The following P2RX5 variants were observed in gnomAD, a reference collection of about 807,000 sequenced individuals.
P2RX5 encodes P2X purinoceptor 5.
Under a neutral mutation model 54.1 loss-of-function variants are expected in P2RX5, and 46 were observed. That is an observed-to-expected ratio of 0.85 (90% CI 0.67 to 1.09). The LOEUF (loss-of-function observed/expected upper bound fraction) is 1.09. P2RX5 is among the 50% of genes least tolerant of loss of function. The probability of loss-of-function intolerance (pLI) is 0.00; values close to 1 mark genes in which losing one functional copy is unlikely to be tolerated. For synonymous variants in P2RX5, 226 were observed against 226.4 expected (o/e 1.00, Z 0.02); for missense variants, 566 against 549.8 (o/e 1.03, Z -0.29).
upstream of P2RX5, among the ~76,000 whole-genome samples, chr17:3,699,078 C>T (rs999004105): frequency 5.3e-5 from 6 of 114,110 alleles, no homozygotes; most frequent in South Asian, 3.0e-4. Context: ...CACACACACA[C>T]ACACACACAC....
chr17:3,673,579 C>T lies in P2RX5; in HGVS notation c.*289G>A. ...AAGGACTCCGGAAGGAAGTCATGTTCCCCATTTACAACCCGTTCCCTAGTG... is the reference window on the plus strand; with the variant it reads ...AAGGACTCCGGAAGGAAGTCATGTTTCCCATTTACAACCCGTTCCCTAGTG... On this transcript the variant is annotated 3_prime_UTR_variant, in exon 12 of 12. Transcript: ENST00000225328. The T allele has an allele frequency of 1.4e-6, 2 of 1,383,132 alleles. No homozygotes were observed. The highest frequency in any genetic ancestry group is 1.5e-5 in the South Asian group (1 of 65,012). The allele number at this position is 1,383,132 out of a possible 1,614,324, so 85.7% of individuals were successfully genotyped here. A position where few individuals can be genotyped will look rare whatever the true frequency, so the allele number is the denominator to read the frequency against.
the P2RX5 span, among the ~76,000 whole-genome samples, chr17:3,719,257 GA>G: frequency 3.2e-5 from 4 of 123,648 alleles, no homozygotes; most frequent in African/African-American, 1.2e-4. Flanking sequence ...AAAAAAAAAA[GA>G]AAAGAAAAGA....
intron 9 of P2RX5, among the ~76,000 whole-genome samples, chr17:3,684,555 T>G (rs1261658841): frequency 1.3e-5 from 2 of 152,196 alleles, no homozygotes; most frequent in African/African-American, 4.8e-5. Context: ...TGAGCCATGA[T>G]CATGCCACTG....
rs879147383 is a variant in P2RX5 at position 3,691,513 on chromosome 17, C to T, written c.288+131G>A. 6.0e-5 allele frequency: 69 copies of T among 1,143,134 alleles called. No homozygotes were observed. The South Asian group carries it at 8.9e-4, about 15-fold the overall frequency. 70.8% of individuals were successfully genotyped at this position (1,143,134 alleles called of 1,614,324 possible). A position where few individuals can be genotyped will look rare whatever the true frequency, so the allele number is the denominator to read the frequency against. On this transcript the variant is annotated intron_variant, in intron 2 of 11. Transcript: ENST00000225328. ...CTGGACAGGGTTGCTCTCTGCAAGC[C>T]CTGGCAGCTGTCTTGGGCCAAGAGA...
chr17:3,717,190 G>A, the P2RX5 span: 79 of 164,334 alleles, frequency 4.8e-4, no homozygotes, highest in African/African-American at 1.8e-3. Flanking sequence ...TCTTTAAAAT[G>A]ATGACTTCCT....
intron 1 of P2RX5, among the ~76,000 whole-genome samples, chr17:3,694,156 G>A (rs1442086689): frequency 6.7e-6 from 1 of 148,314 alleles, no homozygotes. Flanking sequence ...ATCAGCCACA[G>A]AGAGGAATGG....
At position 3,691,686 on chromosome 17, in the gene P2RX5, C is replaced by G. The variant is rs756276420; in HGVS notation, c.246G>C (p.Gly82=). 2 of 1,614,212 alleles carry G rather than the reference C, an allele frequency of 1.2e-6. No homozygotes were observed. Among genetic ancestry groups the G allele is most frequent in the Admixed American group, 3.3e-5 (2 of 60,026 alleles). Residue 82 remains glycine, a synonymous_variant, in exon 2 of 12, where the codon GGG becomes GGC. Transcript: ENST00000225328. ...AGTCGGCGACATCCCAGATCCGCTG[C>G]CCAAGATCCGAGGTGTTGGTGAAGG... The part of the protein sequence containing the change: ...GVAFTNTSDL[G]QRIWDVADYV...
the P2RX5 span, among the ~76,000 whole-genome samples, chr17:3,704,412 TCGCC>T: frequency 6.6e-6 from 1 of 152,190 alleles, no homozygotes; most frequent in African/African-American, 2.4e-5. Flanking sequence ...CCAAGGCAAC[TCGCC>T]CTTTTCCTTT....
chr17:3,706,748 A>G, the P2RX5 span, among the ~76,000 whole-genome samples: 1 of 152,166 alleles, frequency 6.6e-6, no homozygotes, highest in Non-Finnish European at 1.5e-5. Flanking sequence ...AGTAGCTGGG[A>G]CTACAGGTGC....
chr17:3,679,289 C>T (rs992292853), intron 11 of P2RX5, among the ~76,000 whole-genome samples: 6 of 152,146 alleles, frequency 3.9e-5, no homozygotes, highest in African/African-American at 7.2e-5. Flanking sequence ...ACGGAGAGTA[C>T]AGAGGGGTTC....
intron 5 of P2RX5, 59 bp from the exon 6 acceptor site, chr17:3,690,209 G>A: frequency 6.7e-7 from 1 of 1,498,178 alleles, no homozygotes. Flanking sequence ...CCCTCCCCCA[G>A]GCCTGGGCCA....
chr17:3,690,694 AG>A lies in P2RX5; in HGVS notation c.361-15del. 1.2e-6 allele frequency: 2 copies of A among 1,612,456 alleles called. No individual in the cohort carries two copies. Among genetic ancestry groups the A allele is most frequent in the Non-Finnish European group, 1.7e-6 (2 of 1,179,628 alleles). ...AATGCCTTCATTCTGCCAGGAGAGA[AG>A]GGGCACCTGGATGGGGGGGTTCCCC... On this transcript the variant is annotated splice_polypyrimidine_tract_variant and intron_variant, in intron 3 of 11. Transcript: ENST00000225328.
chr17:3,693,840 T>G (rs1252426179), intron 1 of P2RX5, among the ~76,000 whole-genome samples: 1 of 152,132 alleles, frequency 6.6e-6, no homozygotes, highest in Non-Finnish European at 1.5e-5. Flanking sequence ...CTTTTTTTTT[T>G]TTTGAGACAG....
At chr17:3,696,436 T>C (rs2050760831), upstream of P2RX5, 1 of 153,470 alleles carries the variant, frequency 6.5e-6, no homozygotes, top group South Asian at 2.1e-4. Flanking sequence ...AGGGCTCCTT[T>C]TTATTTTATT....
At chr17:3,714,275 T>A in the P2RX5 span, among the ~76,000 whole-genome samples, 1 of 151,492 alleles carries the variant, frequency 6.6e-6, no homozygotes, top group African/African-American at 2.4e-5. Context: ...GTTGCTAGGC[T>A]GGAGTGCAGT....
chr17:3,699,699 G>A (rs2050801679), upstream of P2RX5, among the ~76,000 whole-genome samples: 1 of 151,226 alleles, frequency 6.6e-6, no homozygotes, highest in Admixed American at 6.6e-5. Flanking sequence ...CAGCTACTCA[G>A]GAGGCTGAGA....
chr17:3,684,998 A>G (rs570697685), intron 9 of P2RX5, among the ~76,000 whole-genome samples: 3 of 152,120 alleles, frequency 2.0e-5, no homozygotes, highest in East Asian at 1.9e-4. Flanking sequence ...AGCATGTGCC[A>G]CCACACCTGG....
chr17:3,717,839 G>A, the P2RX5 span: 1 of 151,316 alleles, frequency 6.6e-6, no homozygotes, highest in Non-Finnish European at 1.5e-5. Flanking sequence ...TAGCAACAAA[G>A]AGGGAGGAAG....
intron 7 of P2RX5, 75 bp from the exon 8 acceptor site, chr17:3,688,834 C>G: frequency 1.3e-6 from 2 of 1,530,924 alleles, no homozygotes; most frequent in African/African-American, 2.7e-5. Context: ...AGCCCTTCAC[C>G]GGCACTGGAC....
Sources: gnomAD v4.1 joint callset for allele counts (sites outside exome capture counted in the v4.1 genomes callset) on GRCh38, gnomAD v4.1.1 for gene constraint, MANE v1.5 for transcripts, NCBI Gene and HGNC (gene_info 2026-07-23, HGNC 2026-07-21) for gene names.